Variants in SLC4A4 observed in about 807,000 individuals in gnomAD.
SLC4A4 encodes solute carrier family 4 member 4, also known as electrogenic sodium bicarbonate cotransporter 1.
In SLC4A4, 27 loss-of-function variants were observed where a neutral mutation model predicts 111.5. The observed-to-expected ratio is 0.24, with a 90% CI of 0.18 to 0.33. The LOEUF (loss-of-function observed/expected upper bound fraction) is 0.33, where lower values mean the gene tolerates loss of function less well. Among genes scored for constraint, SLC4A4 ranks in the 10% least tolerant of loss-of-function variants. The probability of loss-of-function intolerance (pLI) is 1.00; values close to 1 mark genes in which losing one functional copy is unlikely to be tolerated. For missense variants in SLC4A4, 909 were observed against 1,315.5 expected (o/e 0.69, Z 4.78); for synonymous variants, 443 against 463.4 (o/e 0.96, Z 0.57).
chr4:71,226,796 G>A (rs1459556485), intron 1 of SLC4A4, among the ~76,000 whole-genome samples: 1 of 151,992 alleles, frequency 6.6e-6, no homozygotes, highest in Non-Finnish European at 1.5e-5. Context: ...CCCTCACTGT[G>A]CCTATTTCTA....
intron 7 of SLC4A4, among the ~76,000 whole-genome samples, chr4:71,409,894 G>A (rs1286790076): frequency 6.6e-6 from 1 of 152,198 alleles, no homozygotes; most frequent in Non-Finnish European, 1.5e-5. Context: ...TGTCCCAGAT[G>A]CTCCAGCTGT....
In SLC4A4 at chr4:71,105,613, C is replaced by T. The variant is rs1309262980; in HGVS notation, c.-2+12821C>T. Reference sequence around the variant, plus strand: ...AACAGAACAGAGCCCTCAGAAATAACGCCGCATATCTACAACTATCTGATC... The same window carrying T: ...AACAGAACAGAGCCCTCAGAAATAATGCCGCATATCTACAACTATCTGATC... On this transcript the variant is annotated intron_variant, in intron 2 of 26. Coordinates refer to the SLC4A4 transcript ENST00000649996. Among the ~76,000 whole-genome samples, 126 of 141,242 alleles carry T rather than the reference C, an allele frequency of 8.9e-4. 1 individual carries two copies. Among genetic ancestry groups the T allele is most frequent in the East Asian group, 7.8e-3 (37 of 4,724 alleles). 92.7% of individuals were successfully genotyped at this position (141,242 alleles called of 152,430 possible). A position where few individuals can be genotyped will look rare whatever the true frequency, so the allele number is the denominator to read the frequency against.
intron 18 of SLC4A4, among the ~76,000 whole-genome samples, chr4:71,544,122 T>C (rs972887036): frequency 1.3e-5 from 2 of 151,964 alleles, no homozygotes; most frequent in African/African-American, 4.8e-5. Context: ...TCAGAATTAG[T>C]GTGACGAGTG....
chr4:71,517,093 A>T (rs1176227269), intron 16 of SLC4A4, among the ~76,000 whole-genome samples: 1 of 152,080 alleles, frequency 6.6e-6, no homozygotes, highest in Non-Finnish European at 1.5e-5. Flanking sequence ...GTTGAATCTG[A>T]TTGAAGACCT....
intron 2 of SLC4A4, among the ~76,000 whole-genome samples, chr4:71,157,185 G>A (rs1157083202): frequency 6.6e-6 from 1 of 152,070 alleles, no homozygotes; most frequent in Non-Finnish European, 1.5e-5. Context: ...TTGAGGCAAA[G>A]TTGAGTGTGC....
chr4:71,410,262 G>T (rs1293725471), intron 7 of SLC4A4, among the ~76,000 whole-genome samples: 1 of 152,172 alleles, frequency 6.6e-6, no homozygotes, highest in African/African-American at 2.4e-5. Context: ...TGCACTGTGT[G>T]CCTGGAAAAG....
Position 71,279,591 on chromosome 4 carries a change from AT to A in SLC4A4, c.253+24194del, listed in dbSNP as rs1394954913. 5.3e-5 allele frequency among the ~76,000 whole-genome samples: 8 copies of A among 152,266 alleles called. No individual in the cohort carries two copies. The East Asian group carries it at 9.6e-4, about 18-fold the overall frequency. On this transcript the variant is annotated intron_variant, in intron 3 of 25. Transcript: ENST00000264485. ...TTGCATTGAATATGTGAGTGCAGAT[AT>A]TAATATTTCCTTAAGATAGTAATTT...
chr4:71,308,826 TACCCCAGTAGTTCCTGGA>T (rs1725905696), intron 3 of SLC4A4, among the ~76,000 whole-genome samples: 1 of 152,152 alleles, frequency 6.6e-6, no homozygotes, highest in Non-Finnish European at 1.5e-5. Flanking sequence ...GTTTTTTTCG[TACCCCAGTAGTTCCTGGA>T]ACCCCAGTGG....
intron 2 of SLC4A4, among the ~76,000 whole-genome samples, chr4:71,175,101 T>C (rs1054470673): frequency 1.2e-4 from 19 of 152,380 alleles, no homozygotes; most frequent in African/African-American, 3.4e-4. Flanking sequence ...CTTATTCATA[T>C]GGAAAATTAT....
intron 3 of SLC4A4, among the ~76,000 whole-genome samples, chr4:71,278,487 G>T (rs956482583): frequency 6.6e-6 from 1 of 152,102 alleles, no homozygotes; most frequent in African/African-American, 2.4e-5. Context: ...GGATCCTATG[G>T]TACTTCTGTT....
At chr4:71,520,261 T>TA (rs1266377436) in intron 16 of SLC4A4, among the ~76,000 whole-genome samples, 1 of 152,228 alleles carries the variant, frequency 6.6e-6, no homozygotes, top group African/African-American at 2.4e-5. Context: ...TCCTTTAGCT[T>TA]ACACAGTCAT....
In SLC4A4 at chr4:71,402,789, C is replaced by T. The variant is rs572383616; in HGVS notation, c.807+5136C>T. On this transcript the variant is annotated intron_variant, in intron 7 of 25. Coordinates refer to ENST00000264485, the MANE Select transcript of SLC4A4 (RefSeq NM_001098484.3). ...GTGTCCCTGAGGGGAACTTGTGTAG[C>T]CATGCAATGATATCCTTGGGCCCCT... Among the ~76,000 whole-genome samples the T allele has an allele frequency of 2.0e-5, 3 of 152,314 alleles. No homozygotes were observed. In the South Asian group the frequency reaches 6.2e-4, roughly 32 times the overall value.
At chr4:71,135,616 A>T (rs555679119) in intron 2 of SLC4A4, among the ~76,000 whole-genome samples, 1 of 152,128 alleles carries the variant, frequency 6.6e-6, no homozygotes, top group East Asian at 1.9e-4. Context: ...TCTTTTAGCA[A>T]TTTTCAAGAA....
Position 71,236,669 on chromosome 4 carries a change from G to A in SLC4A4, c.73+20G>A. 1.3e-6 allele frequency: 2 copies of A among 1,597,842 alleles called. No homozygotes were observed. Among genetic ancestry groups the A allele is most frequent in the Non-Finnish European group, 1.7e-6 (2 of 1,165,452 alleles). On this transcript the variant is annotated intron_variant, in intron 2 of 25. Coordinates refer to ENST00000264485, the MANE Select transcript of SLC4A4 (RefSeq NM_001098484.3). ...TAGAAGGTGAGCTTTATGGGTCTGG[G>A]AAAGTGTCTGTTGACATACATATGT...
intron 7 of SLC4A4, among the ~76,000 whole-genome samples, chr4:71,406,027 C>A (rs555665056): frequency 9.9e-5 from 15 of 151,170 alleles, no homozygotes; most frequent in African/African-American, 3.4e-4. Flanking sequence ...TCCTTGGCAA[C>A]CAAAAAATGG....
At chr4:71,138,825 A>G (rs1321084421) in intron 2 of SLC4A4, among the ~76,000 whole-genome samples, 2 of 152,024 alleles carry the variant, frequency 1.3e-5, no homozygotes, top group African/African-American at 4.8e-5. Context: ...TCACGAGGTC[A>G]GGAGATTGAG....
chr4:71,563,162 T>C (rs1384940183), intron 23 of SLC4A4, among the ~76,000 whole-genome samples: 1 of 151,892 alleles, frequency 6.6e-6, no homozygotes, highest in Non-Finnish European at 1.5e-5. Flanking sequence ...TATCTGACCA[T>C]CATAGACACC....
chr4:71,432,633 T>A (rs1723744190), intron 7 of SLC4A4, among the ~76,000 whole-genome samples: 1 of 151,918 alleles, frequency 6.6e-6, no homozygotes. Context: ...TTCTCTTTGC[T>A]TTTTTTTCTT....
intron 7 of SLC4A4, among the ~76,000 whole-genome samples, chr4:71,434,039 A>G (rs939784660): frequency 6.6e-6 from 1 of 152,198 alleles, no homozygotes; most frequent in South Asian, 2.1e-4. Context: ...CTGAGAAACA[A>G]TACTATATCA....
Sources: gnomAD v4.1 joint callset for allele counts (sites outside exome capture counted in the v4.1 genomes callset) on GRCh38, gnomAD v4.1.1 for gene constraint, MANE v1.5 for transcripts, NCBI Gene and HGNC (gene_info 2026-07-23, HGNC 2026-07-21) for gene names.